The following GABBR2 variants were observed in gnomAD, a reference collection of about 807,000 sequenced individuals.
GABBR2 encodes the protein gamma-aminobutyric acid type B receptor subunit 2.
A neutral mutation model predicts 105.6 loss-of-function variants in GABBR2; 23 were observed. That is an observed-to-expected ratio of 0.22 (90% confidence interval 0.16 to 0.31). The LOEUF is 0.31. GABBR2 is among the 10% of genes least tolerant of loss of function. GABBR2 has a pLI of 1.00. For synonymous variants in GABBR2, 478 were observed against 499.7 expected, an observed-to-expected ratio of 0.96 and a Z score of 0.58; for missense variants, 734 against 1,245.5, an observed-to-expected ratio of 0.59 and a Z score of 6.18.
chr9:98,366,347 A>G (rs1451702861), intron 12 of GABBR2, among the ~76,000 whole-genome samples: 2 of 152,200 alleles, frequency 1.3e-5, no homozygotes, highest in African/African-American at 4.8e-5. Context: ...AAATGAGCGT[A>G]CCCTCAATTA....
intron 3 of GABBR2, among the ~76,000 whole-genome samples, chr9:98,513,849 C>A (rs368484213): frequency 7.4e-4 from 112 of 152,218 alleles, no homozygotes; most frequent in Admixed American, 4.7e-3. Flanking sequence ...GTCAGTGCGG[C>A]GATTCCTCAG....
At chr9:98,297,610 T>C (rs1329074720) in intron 17 of GABBR2, among the ~76,000 whole-genome samples, 2 of 151,022 alleles carry the variant, frequency 1.3e-5, no homozygotes, top group East Asian at 3.9e-4. Flanking sequence ...CGAAACCCCG[T>C]CTCAAAAAAA....
intron 1 of GABBR2, among the ~76,000 whole-genome samples, chr9:98,653,352 C>T (rs188461512): frequency 6.6e-6 from 1 of 152,134 alleles, no homozygotes; most frequent in Non-Finnish European, 1.5e-5. Flanking sequence ...ATACAGACAA[C>T]GGGATCCTTT....
chr9:98,552,070 C>A (rs1441985892), intron 2 of GABBR2: 4 of 152,230 alleles, frequency 2.6e-5, no homozygotes, highest in South Asian at 2.1e-4. Context: ...AATGTAAACT[C>A]ATCTCCCAGC....
intron 1 of GABBR2, among the ~76,000 whole-genome samples, chr9:98,679,324 T>C (rs1830511670): frequency 6.6e-6 from 1 of 152,222 alleles, no homozygotes; most frequent in African/African-American, 2.4e-5. Context: ...CCAATGAGAA[T>C]GCTCTATAAG....
chr9:98,631,750 C>T (rs1829818737), intron 1 of GABBR2, among the ~76,000 whole-genome samples: 1 of 152,174 alleles, frequency 6.6e-6, no homozygotes, highest in South Asian at 2.1e-4. Flanking sequence ...CATCATAAAA[C>T]CAAACACTTC....
At chr9:98,479,210 T>C (rs1167365219) in intron 5 of GABBR2, among the ~76,000 whole-genome samples, 1 of 152,212 alleles carries the variant, frequency 6.6e-6, no homozygotes, top group Non-Finnish European at 1.5e-5. Context: ...CCATAAAACT[T>C]GCCAGTAAAT....
In GABBR2 at chr9:98,701,688, C is replaced by G. The variant is rs10987494; in HGVS notation, c.321+6729G>C. 8.5e-3 allele frequency among the ~76,000 whole-genome samples: 1,286 copies of G among 152,184 alleles called. 8 individuals carry two copies. The highest frequency in any genetic ancestry group is 0.024 in the South Asian group (117 of 4,828). ...TGCCAGCCAGCAGGGGAGAAAGTGA[C>G]AAACAACTATGATACCGGCAGAAGG... On this transcript the variant is annotated intron_variant, in intron 1 of 18. Coordinates refer to ENST00000259455, the MANE Select transcript of GABBR2 (RefSeq NM_005458.8).
chr9:98,529,542 C>T (rs1000328654), intron 3 of GABBR2, among the ~76,000 whole-genome samples: 1 of 152,144 alleles, frequency 6.6e-6, no homozygotes, highest in East Asian at 1.9e-4. Context: ...AGGTTATGGC[C>T]AATTTTAAAT....
chr9:98,662,544 G>A (rs1336100132), intron 1 of GABBR2, among the ~76,000 whole-genome samples: 1 of 152,198 alleles, frequency 6.6e-6, no homozygotes, highest in Non-Finnish European at 1.5e-5. Flanking sequence ...GACCCCAGGA[G>A]TTATTTAAAA....
intron 3 of GABBR2, among the ~76,000 whole-genome samples, chr9:98,505,168 C>CTGTGGTG (rs1827482395): frequency 6.6e-6 from 1 of 152,232 alleles, no homozygotes; most frequent in Admixed American, 6.5e-5. Flanking sequence ...TGCTTAAAAA[C>CTGTGGTG]TTATCCATGT....
chr9:98,538,378 C>T (rs1045513103), intron 3 of GABBR2, among the ~76,000 whole-genome samples: 1 of 152,206 alleles, frequency 6.6e-6, no homozygotes, highest in Non-Finnish European at 1.5e-5. Context: ...AGCCAATTCT[C>T]TCCATGGAAC....
At chr9:98,377,530 T>A (rs1831897579) in intron 11 of GABBR2, among the ~76,000 whole-genome samples, 1 of 152,200 alleles carries the variant, frequency 6.6e-6, no homozygotes, top group Admixed American at 6.5e-5. Context: ...AAATGGGAAC[T>A]GTTTGTTTAC....
intron 1 of GABBR2, chr9:98,607,638 T>C: frequency 1.4e-6 from 1 of 727,392 alleles, no homozygotes; most frequent in Non-Finnish European, 2.5e-6. Context: ...GGGGTATTGC[T>C]GAAGTTGAAA....
intron 2 of GABBR2, among the ~76,000 whole-genome samples, chr9:98,564,260 G>C (rs1588230423): frequency 6.6e-6 from 1 of 152,300 alleles, no homozygotes; most frequent in East Asian, 1.9e-4. Context: ...CCCCCAGAGA[G>C]GCCACTCTTA....
intron 3 of GABBR2, among the ~76,000 whole-genome samples, chr9:98,500,898 C>T (rs117977039): frequency 6.6e-6 from 1 of 152,208 alleles, no homozygotes; most frequent in East Asian, 1.9e-4. Flanking sequence ...GAATCAGACA[C>T]TCCAGGGTGG....
At chr9:98,547,780 A>G (rs940532329) in intron 2 of GABBR2, among the ~76,000 whole-genome samples, 2 of 122,224 alleles carry the variant, frequency 1.6e-5, no homozygotes. Context: ...TTGATTTTGC[A>G]GTGCTTTGCC....
Position 98,554,527 on chromosome 9 carries a change from C to T in GABBR2, c.460-12484G>A, listed in dbSNP as rs372269301. The stretch of plus-strand genomic sequence containing the variant: ...ATTTAAAAACATTCTTCATCCTGGA[C>T]GTTCTTCTTTTTAAACTTCTATTAT... On this transcript the variant is annotated intron_variant, in intron 2 of 18. Transcript: ENST00000259455. Among the ~76,000 whole-genome samples, 40 of 145,662 alleles carry T rather than the reference C, an allele frequency of 2.7e-4. 1 individual carries two copies. The South Asian group carries it at 3.9e-3, about 14-fold the overall frequency.
intron 16 of GABBR2, among the ~76,000 whole-genome samples, chr9:98,302,317 A>G (rs1830482125): frequency 2.0e-5 from 3 of 152,074 alleles, no homozygotes; most frequent in Admixed American, 2.0e-4. Context: ...TCCCCTCCTG[A>G]CACTGTGAAC....
Sources: allele counts gnomAD v4.1 joint callset (sites outside exome capture counted in the v4.1 genomes callset), GRCh38; gene constraint gnomAD v4.1.1; transcripts MANE v1.5; gene names NCBI Gene and HGNC (gene_info 2026-07-23, HGNC 2026-07-21).